The following A2M variants were observed in gnomAD, a reference collection of about 807,000 sequenced individuals.
A2M encodes the protein alpha-2-macroglobulin.
A2M carries 128 observed loss-of-function variants against 183.9 expected under a neutral mutation model. The ratio of observed to expected loss-of-function variants is 0.70; its 90% CI spans 0.60 to 0.81. The LOEUF (loss-of-function observed/expected upper bound fraction) is 0.81. A2M is among the 30% of genes least tolerant of loss of function. The pLI is 0.00. For synonymous variants in A2M, 592 were observed against 670.8 expected (o/e 0.88, Z 1.81); for missense variants, 1,495 against 1,787.6 (o/e 0.84, Z 2.95).
chr12:9,113,913 C>G (rs918221214), intron 1 of A2M, among the ~76,000 whole-genome samples: 1 of 152,112 alleles, frequency 6.6e-6, no homozygotes, highest in South Asian at 2.1e-4. Context: ...CTCAGTCATG[C>G]GGACATTACA....
At position 9,104,379 on chromosome 12, in the gene A2M, CT is replaced by C; in HGVS notation, c.1125del (p.Gly376AlafsTer107). On this transcript the variant is annotated frameshift_variant, in exon 11 of 36. Transcript: ENST00000318602. LOFTEE classifies it high-confidence loss of function. Reference sequence around the variant, plus strand: ...ATGACTTTATTTGGTATAGGGACGCCTTTCCCATCTACTAGGCGCACCTGAA... The same window carrying C: ...ATGACTTTATTTGGTATAGGGACGCCTTCCCATCTACTAGGCGCACCTGAA... ...FFGQVRLVDG[K>X]GVPIPNKVIF... 1 of 1,594,166 alleles carries C rather than the reference CT, an allele frequency of 6.3e-7. No individual in the cohort carries two copies. Among genetic ancestry groups the C allele is most frequent in the East Asian group, 2.2e-5 (1 of 44,456 alleles).
At chr12:9,090,203 G>T (rs1370105874) in intron 20 of A2M, among the ~76,000 whole-genome samples, 153 bp downstream of exon 20, 1 of 152,172 alleles carries the variant, frequency 6.6e-6, no homozygotes, top group African/African-American at 2.4e-5. Context: ...AGATGTTGAG[G>T]ATATCCTTGT....
chr12:9,091,487 G>C, intron 18 of A2M, 58 bp from the exon 19 acceptor site: 4 of 1,556,948 alleles, frequency 2.6e-6, no homozygotes, highest in Non-Finnish European at 3.5e-6. Context: ...TCCTTTCTAG[G>C]GAGAGAATCC....
chr12:9,113,962 A>G (rs1050773127), intron 1 of A2M, among the ~76,000 whole-genome samples: 1 of 152,250 alleles, frequency 6.6e-6, no homozygotes, highest in Non-Finnish European at 1.5e-5. Flanking sequence ...TAAAATATAT[A>G]TACACACATA....
At chr12:9,107,411 C>A in intron 8 of A2M, 113 bp downstream of exon 8, 1 of 1,283,082 alleles carries the variant, frequency 7.8e-7, no homozygotes, top group Non-Finnish European at 1.1e-6. Context: ...CAATAGCCAA[C>A]ATGGAATTCT....
chr12:9,079,424 AT>A (rs987660495), intron 24 of A2M, 93 bp from the exon 25 acceptor site: 51 of 1,319,906 alleles, frequency 3.9e-5, no homozygotes, highest in Non-Finnish European at 5.4e-5. Flanking sequence ...CTCTTGTGAC[AT>A]TTCTTAAATT....
rs1358336887 is a variant in A2M, at chr12:9,089,931, C to A, written c.2689G>T (p.Asp897Tyr). 1 of 1,612,370 alleles carries A rather than the reference C, an allele frequency of 6.2e-7. No individual in the cohort carries two copies. Among genetic ancestry groups the A allele is most frequent in the Admixed American group, 1.7e-5 (1 of 59,990 alleles). ...VPSVPEHGRK[D>Y]TVIKPLLVEP... is the part of the protein sequence containing the mutation. ...ACCAACAGAGGCTTGATGACTGTGT[C>A]TTTCCTTCCGTGTTCAGGAACTGAA... The change falls in exon 21 of 36, where the codon GAC becomes TAC. Residue 897 changes from aspartate to tyrosine, a missense_variant. Transcript: ENST00000318602.
intron 4 of A2M, chr12:9,111,927 G>A: frequency 1.5e-6 from 1 of 666,324 alleles, no homozygotes; most frequent in South Asian, 1.5e-5. Context: ...CATCCGAAAA[G>A]TAAATTTAAT....
chr12:9,070,687 T>G (rs1265242533), intron 31 of A2M, 109 bp from the exon 32 acceptor site: 1 of 709,290 alleles, frequency 1.4e-6, no homozygotes, highest in Non-Finnish European at 2.3e-6. Context: ...ACGTAAGTCT[T>G]CCCAAATATC....
chr12:9,068,351 TA>T (rs1948458426), intron 34 of A2M, 127 bp from the exon 35 acceptor site: 1 of 927,042 alleles, frequency 1.1e-6, no homozygotes, highest in African/African-American at 1.7e-5. Context: ...ACCAGAAACA[TA>T]AGCATCATTC....
chr12:9,068,011 G>T, intron 35 of A2M, 172 bp from the exon 36 acceptor site: 1 of 957,890 alleles, frequency 1.0e-6, no homozygotes, highest in Non-Finnish European at 1.6e-6. Context: ...ACTCTCTGAG[G>T]TTTGACAGAG....
chr12:9,069,123 T>C (rs181815308), intron 33 of A2M: 9 of 241,904 alleles, frequency 3.7e-5, no homozygotes, highest in African/African-American at 1.8e-4. Context: ...ACTAACTGTG[T>C]TCATTTTTTA....
intron 20 of A2M, 96 bp downstream of exon 20, chr12:9,090,260 T>A: frequency 2.5e-6 from 4 of 1,570,150 alleles, no homozygotes; most frequent in Non-Finnish European, 3.5e-6. Flanking sequence ...CAGCATCTAG[T>A]GGTCTTTTCC....
chr12:9,098,141 C>T (rs1219521215), intron 15 of A2M, among the ~76,000 whole-genome samples: 3 of 152,122 alleles, frequency 2.0e-5, no homozygotes, highest in Non-Finnish European at 4.4e-5. Context: ...ACGGCTTCCC[C>T]GGTTGCTCAG....
Position 9,077,681 on chromosome 12 carries a change from C to T in A2M, c.3276+20G>A. ...AGATATCATAATGGACAAATCAAAA[C>T]TAGCTCCAGAATGATTCACCTTTAT... On this transcript the variant is annotated intron_variant, in intron 26 of 35. Coordinates refer to ENST00000318602, the MANE Select transcript of A2M (RefSeq NM_000014.6). 2 of 1,611,388 alleles carry T rather than the reference C, an allele frequency of 1.2e-6. No individual in the cohort carries two copies. The highest frequency in any genetic ancestry group is 1.7e-6 in the Non-Finnish European group (2 of 1,178,292).
Position 9,091,325 on chromosome 12 carries a change from G to T in A2M, c.2345C>A (p.Ser782Tyr). 6.2e-7 allele frequency: 1 copy of T among 1,614,194 alleles called. No individual in the cohort carries two copies. Among genetic ancestry groups the T allele is most frequent in the South Asian group, 1.1e-5 (1 of 91,090 alleles). Residue 782 changes from serine (S) to tyrosine (Y), a missense_variant, in exon 19 of 36, where the codon TCC becomes TAC. Physicochemically the swap from Ser to Tyr is moderately radical, Grantham distance 144. Transcript: ENST00000318602. Reference protein sequence around the residue: ...LSEDAGLGISSTASLRAFQPF... With the variant: ...LSEDAGLGISYTASLRAFQPF... ...CTGGAAGGCTCGGAGAGAGGCAGTG[G>T]AAGAGATACCAAGTCCAGCATCTTC...
intron 25 of A2M, 139 bp from the exon 26 acceptor site, chr12:9,077,996 T>G: frequency 1.0e-6 from 1 of 972,338 alleles, no homozygotes; most frequent in Non-Finnish European, 1.5e-6. Context: ...TTGATTAATC[T>G]TTAGTCTGCC....
chr12:9,082,044 C>A (rs758221469), intron 22 of A2M, among the ~76,000 whole-genome samples: 78 of 152,312 alleles, frequency 5.1e-4, no homozygotes, highest in African/African-American at 1.8e-3. Context: ...ATGCCAGTGA[C>A]CCCACCCAGG....
rs761457293 is a variant in A2M, at chr12:9,081,595, A to G, written c.2771-1418T>C. 2.0e-4 allele frequency among the ~76,000 whole-genome samples: 30 copies of G among 152,346 alleles called. No homozygotes were observed. The South Asian group carries it at 5.8e-3, about 29-fold the overall frequency. The stretch of plus-strand genomic sequence containing the variant: ...ACATTGTTCATAGAACTGAGTGAAG[A>G]CAAATTAGAAGAGTAGGAAGAATGG... On this transcript the variant is annotated intron_variant, in intron 22 of 35. Coordinates refer to ENST00000318602, the MANE Select transcript of A2M (RefSeq NM_000014.6).
Sources: allele counts gnomAD v4.1 joint callset (sites outside exome capture counted in the v4.1 genomes callset), GRCh38; gene constraint gnomAD v4.1.1; transcripts MANE v1.5; gene names NCBI Gene and HGNC (gene_info 2026-07-23, HGNC 2026-07-21).